The following CPNE4 variants were observed in gnomAD, a reference collection of about 807,000 sequenced individuals.
The protein encoded by CPNE4 is copine 4.
CPNE4 carries 25 observed loss-of-function variants against 67.9 expected under a neutral mutation model. The ratio of observed to expected loss-of-function variants is 0.37; its 90% CI spans 0.27 to 0.51. The LOEUF is 0.51. Ranked by LOEUF, CPNE4 falls within the 20% of genes least tolerant of loss-of-function variation. The probability of loss-of-function intolerance (pLI) is 0.93; values close to 1 mark genes in which losing one functional copy is unlikely to be tolerated. For synonymous variants in CPNE4, 242 were observed against 244.9 expected (o/e 0.99, Z 0.11); for missense variants, 464 against 690.8 (o/e 0.67, Z 3.68).
At chr3:131,681,508 T>C (rs2080755090) in intron 6 of CPNE4, among the ~76,000 whole-genome samples, 1 of 152,202 alleles carries the variant, frequency 6.6e-6, no homozygotes, top group Non-Finnish European at 1.5e-5. Flanking sequence ...GTATTAGAGC[T>C]GTATTGTACG....
rs369033978 is a variant in CPNE4 at position 131,889,823 on chromosome 3, C to T, written c.180+15441G>A. On this transcript the variant is annotated intron_variant, in intron 2 of 15. Coordinates refer to ENST00000429747, the MANE Select transcript of CPNE4 (RefSeq NM_130808.3). ...AGTTAGCTGATCTTCGATAAGGGTG[C>T]CAAGGACACACAATGGAGAAGGATA... Among the ~76,000 whole-genome samples the T allele has an allele frequency of 2.6e-4, 39 of 152,182 alleles. No individual in the cohort carries two copies. The East Asian group carries it at 7.3e-3, about 29-fold the overall frequency.
chr3:131,566,091 A>G (rs1937043369), intron 10 of CPNE4, among the ~76,000 whole-genome samples: 2 of 151,918 alleles, frequency 1.3e-5, no homozygotes, highest in South Asian at 4.1e-4. Flanking sequence ...ACGCCATCAT[A>G]CATCCAGGAG....
At chr3:131,788,859 T>C (rs957520775) in intron 2 of CPNE4, among the ~76,000 whole-genome samples, 5 of 152,016 alleles carry the variant, frequency 3.3e-5, no homozygotes, top group South Asian at 2.1e-4. Context: ...CATACACACA[T>C]ATATATATAA....
intron 13 of CPNE4, among the ~76,000 whole-genome samples, chr3:131,551,961 T>C (rs1346641363): frequency 6.6e-6 from 1 of 151,982 alleles, no homozygotes; most frequent in Non-Finnish European, 1.5e-5. Flanking sequence ...ATGATGCTGC[T>C]TGTTCAAACT....
At chr3:131,795,883 C>G (rs1392895078) in intron 2 of CPNE4, among the ~76,000 whole-genome samples, 1 of 152,086 alleles carries the variant, frequency 6.6e-6, no homozygotes, top group African/African-American at 2.4e-5. Flanking sequence ...TTTTCTCCTC[C>G]CTTGAAGAGT....
At chr3:132,005,338 TATATACACAC>T (rs1264699620) in intron 1 of CPNE4, among the ~76,000 whole-genome samples, 3,492 of 29,416 alleles carry the variant, frequency 0.12, 79 homozygotes, top group Non-Finnish European at 0.17. Flanking sequence ...TATATATATA[TATATACACAC>T]ACACACACAC....
intron 1 of CPNE4, among the ~76,000 whole-genome samples, chr3:131,935,021 TTAA>T (rs528467630): frequency 1.0e-3 from 155 of 152,304 alleles, no homozygotes; most frequent in Non-Finnish European, 1.9e-3. Flanking sequence ...ATGTAAAATA[TTAA>T]TAAGTATTTT....
intron 1 of CPNE4, among the ~76,000 whole-genome samples, chr3:131,906,364 T>C (rs1405050937): frequency 6.6e-6 from 1 of 151,008 alleles, no homozygotes; most frequent in Non-Finnish European, 1.5e-5. Context: ...TAACTCATCA[T>C]TTAGCATTAG....
At chr3:131,775,682 T>C (rs2083274625) in intron 2 of CPNE4, among the ~76,000 whole-genome samples, 1 of 152,190 alleles carries the variant, frequency 6.6e-6, no homozygotes, top group Non-Finnish European at 1.5e-5. Flanking sequence ...GCCATGATTG[T>C]GAGGCCTTGC....
At chr3:131,602,727 A>G (rs1265223289) in intron 7 of CPNE4, among the ~76,000 whole-genome samples, 1 of 152,144 alleles carries the variant, frequency 6.6e-6, no homozygotes, top group Non-Finnish European at 1.5e-5. Flanking sequence ...CCAGGCTTTC[A>G]ATGAGAACTC....
At chr3:131,699,074 T>G (rs1464928052) in intron 4 of CPNE4, among the ~76,000 whole-genome samples, 3 of 152,194 alleles carry the variant, frequency 2.0e-5, no homozygotes, top group African/African-American at 4.8e-5. Context: ...GTTTGTTTCT[T>G]TTTTCACTCC....
intron 9 of CPNE4, among the ~76,000 whole-genome samples, chr3:131,575,711 C>T (rs73874126): frequency 0.046 from 6,936 of 152,108 alleles, 360 homozygotes; most frequent in African/African-American, 0.13. Flanking sequence ...ATGAAGGTGG[C>T]ACAACTATTA....
At chr3:131,934,576 C>T (rs978671084) in intron 1 of CPNE4, among the ~76,000 whole-genome samples, 8 of 152,124 alleles carry the variant, frequency 5.3e-5, no homozygotes, top group African/African-American at 1.4e-4. Flanking sequence ...CCCCCACCCC[C>T]TGACAGGCCC....
intron 11 of CPNE4, among the ~76,000 whole-genome samples, chr3:131,556,897 T>G (rs1936488485): frequency 6.6e-6 from 1 of 152,104 alleles, no homozygotes; most frequent in Admixed American, 6.5e-5. Flanking sequence ...TGCTAGATGA[T>G]GTATCTATTT....
intron 7 of CPNE4, among the ~76,000 whole-genome samples, chr3:131,594,930 A>G (rs945440127): frequency 1.3e-5 from 2 of 152,248 alleles, no homozygotes; most frequent in Non-Finnish European, 2.9e-5. Context: ...AGGCATACAA[A>G]TGGCCAACAG....
At chr3:131,723,106 T>G (rs563357682) in intron 3 of CPNE4, among the ~76,000 whole-genome samples, 80 of 152,280 alleles carry the variant, frequency 5.3e-4, no homozygotes, top group African/African-American at 1.9e-3. Context: ...TGGAAATTTA[T>G]AGTGAAACAG....
chr3:131,665,390 G>A (rs2080232029), intron 7 of CPNE4, among the ~76,000 whole-genome samples: 1 of 152,092 alleles, frequency 6.6e-6, no homozygotes, highest in Non-Finnish European at 1.5e-5. Context: ...AAAAAAACAT[G>A]CTGGGCACCT....
intron 2 of CPNE4, among the ~76,000 whole-genome samples, chr3:131,785,449 A>G (rs942290610): frequency 6.6e-6 from 1 of 151,736 alleles, no homozygotes; most frequent in South Asian, 2.1e-4. Context: ...CGCCATGACC[A>G]CTTGGTTTCT....
chr3:131,535,225 C>A lies in CPNE4; in HGVS notation c.1644G>T (p.Met548Ile). 6.2e-7 allele frequency: 1 copy of A among 1,613,370 alleles called. No individual in the cohort carries two copies. Among genetic ancestry groups the A allele is most frequent in the Non-Finnish European group, 8.5e-7 (1 of 1,179,870 alleles). The change falls in exon 16 of 16, where the codon ATG becomes ATT. Residue 548 changes from methionine to isoleucine, a missense_variant. Met to Ile is a conservative substitution (Grantham distance 10). This residue lies in a region of CPNE4 where 201 missense variants were observed against 357.7 expected (regional missense o/e 0.56). Coordinates refer to ENST00000429747, the MANE Select transcript of CPNE4 (RefSeq NM_130808.3). ...KGIKPKCSSEMYESSRTLAP is the reference protein window; with the variant it reads ...KGIKPKCSSEIYESSRTLAP The stretch of plus-strand genomic sequence containing the variant: ...GTGCTAGTGTTCTGGAAGATTCATA[C>A]ATTTCTGATGAACATTTTGGTTTAA...
Sources: gnomAD v4.1 joint callset for allele counts (sites outside exome capture counted in the v4.1 genomes callset) on GRCh38, gnomAD v4.1.1 for gene constraint, gnomAD v4.1.1 regional missense constraint, MANE v1.5 for transcripts, NCBI Gene and HGNC (gene_info 2026-07-23, HGNC 2026-07-21) for gene names.